The following TTC17 variants were observed in gnomAD, a reference collection of about 807,000 sequenced individuals.
TTC17 encodes tetratricopeptide repeat domain 17, also known as tetratricopeptide repeat protein 17.
A neutral mutation model predicts 143.8 loss-of-function variants in TTC17; 58 were observed. That is an observed-to-expected ratio of 0.40 (90% CI 0.33 to 0.50). The LOEUF is 0.50. Ranked by LOEUF, TTC17 falls within the 20% of genes least tolerant of loss-of-function variation. The pLI, the probability that TTC17 is intolerant of heterozygous loss-of-function variation, is 0.49. For missense variants in TTC17, 1,273 were observed against 1,392.5 expected, an observed-to-expected ratio of 0.91 and a Z score of 1.37; for synonymous variants, 501 against 497.8, an observed-to-expected ratio of 1.01 and a Z score of -0.09.
intron 8 of TTC17, 22 bp downstream of exon 8, chr11:43,398,135 A>C: frequency 6.2e-7 from 1 of 1,613,318 alleles, no homozygotes. Context: ...GAAAAATTTC[A>C]CTCAAGCATT....
chr11:43,474,590 C>A (rs946818883), intron 21 of TTC17, among the ~76,000 whole-genome samples: 12 of 152,006 alleles, frequency 7.9e-5, no homozygotes, highest in African/African-American at 2.7e-4. Flanking sequence ...CATAACCATA[C>A]CAAGGGGAAT....
chr11:43,368,691 A>G (rs192798978), intron 1 of TTC17, among the ~76,000 whole-genome samples: 1 of 152,212 alleles, frequency 6.6e-6, no homozygotes, highest in South Asian at 2.1e-4. Context: ...CTTAAAAAGC[A>G]CAGCTGGTCA....
Position 43,379,310 on chromosome 11 carries a change from C to T in TTC17, c.237C>T (p.Leu79=), listed in dbSNP as rs1179603730. ...GACAAGAAGCAACAGTTAACTACCT[C>T]AAAGAATTAGAGGTGAGGCAACTGG... The part of the protein sequence containing the change: ...LMRQEATVNY[L]KELEKQLVAQ... Residue 79 remains leucine (L), a synonymous_variant, in exon 2 of 24, where the codon CTC becomes CTT. Transcript: ENST00000039989. 5 of 1,611,390 alleles carry T rather than the reference C, an allele frequency of 3.1e-6. No homozygotes were observed. Among genetic ancestry groups the T allele is most frequent in the East Asian group, 2.2e-5 (1 of 44,658 alleles).
At chr11:43,386,773 G>A (rs1857185130) in intron 2 of TTC17, among the ~76,000 whole-genome samples, 1 of 151,020 alleles carries the variant, frequency 6.6e-6, no homozygotes, top group African/African-American at 2.4e-5. Context: ...TCTTACGTAT[G>A]TATGTATTTA....
At position 43,462,921 on chromosome 11, in the gene TTC17, C is replaced by CTTTTTTTTTTTTTTTTTTT. The variant is rs562594929; in HGVS notation, c.3030+11668_3030+11669insTTTTTTTTTTTTTTTTTTT. On this transcript the variant is annotated intron_variant, in intron 21 of 23. Coordinates refer to ENST00000039989, the MANE Select transcript of TTC17 (RefSeq NM_018259.6). ...CACTGAATCCAGCAGTGACAAAATTCTTTTTTTTTTTTGAGACAGAGTCTC... is the reference window on the plus strand; with the variant it reads ...CACTGAATCCAGCAGTGACAAAATTCTTTTTTTTTTTTTTTTTTTTTTTTTTTTTTTGAGACAGAGTCTC... Among the ~76,000 whole-genome samples, 26 of 117,708 alleles carry CTTTTTTTTTTTTTTTTTTT rather than the reference C, an allele frequency of 2.2e-4. 5 individuals carry two copies. The highest frequency in any genetic ancestry group is 6.1e-4 in the African/African-American group (15 of 24,696). The allele number at this position is 117,708 out of a possible 152,430, so 77.2% of individuals were successfully genotyped here. A position where few individuals can be genotyped will look rare whatever the true frequency, so the allele number is the denominator to read the frequency against.
chr11:43,472,355 A>G, intron 21 of TTC17, among the ~76,000 whole-genome samples: 1 of 152,214 alleles, frequency 6.6e-6, no homozygotes, highest in East Asian at 1.9e-4. Context: ...AAAAGAAAAA[A>G]GATATATCAT....
chr11:43,373,361 T>C lies in TTC17; in HGVS notation c.160-5872T>C, dbSNP rs182700556. 3.1e-4 allele frequency among the ~76,000 whole-genome samples: 46 copies of C among 150,782 alleles called. 1 individual carries two copies. In the East Asian group the frequency reaches 9.0e-3, roughly 29 times the overall value. ...TTTTTTGAGACAGAGTCTCGATCTG[T>C]CACCCAGGCTGGAGTGCAGTGGCGC... On this transcript the variant is annotated intron_variant, in intron 1 of 23. Coordinates refer to ENST00000039989, the MANE Select transcript of TTC17 (RefSeq NM_018259.6).
chr11:43,449,853 A>C lies in TTC17; in HGVS notation c.2787-229A>C, dbSNP rs966221423. 6.1e-5 allele frequency: 31 copies of C among 504,756 alleles called. 1 individual carries two copies. The highest frequency in any genetic ancestry group is 4.7e-4 in the Admixed American group (13 of 27,454). 31.3% of individuals were successfully genotyped at this position (504,756 alleles called of 1,614,324 possible). Reference sequence around the variant, plus strand: ...GGGGAGGAATGTGCTGCTGTGCATAAAAGAAAACTAAAAGATATAACTAGT... The same window carrying C: ...GGGGAGGAATGTGCTGCTGTGCATACAAGAAAACTAAAAGATATAACTAGT... On this transcript the variant is annotated intron_variant, in intron 19 of 23. Coordinates refer to ENST00000039989, the MANE Select transcript of TTC17 (RefSeq NM_018259.6).
At chr11:43,452,400 T>A (rs1191703792) in intron 21 of TTC17, among the ~76,000 whole-genome samples, 4 of 151,694 alleles carry the variant, frequency 2.6e-5, no homozygotes, top group Non-Finnish European at 4.4e-5. Flanking sequence ...CTTGAGAGAG[T>A]GAGGCAGGAG....
chr11:43,388,391 A>G (rs539283956), intron 2 of TTC17, among the ~76,000 whole-genome samples: 3 of 145,314 alleles, frequency 2.1e-5, no homozygotes. Flanking sequence ...AATGAAAGTA[A>G]TATTTTAGGA....
chr11:43,406,990 T>C lies in TTC17; in HGVS notation c.1762-148T>C, dbSNP rs1329159375. On this transcript the variant is annotated intron_variant, in intron 13 of 23. Coordinates refer to ENST00000039989, the MANE Select transcript of TTC17 (RefSeq NM_018259.6). Reference sequence around the variant, plus strand: ...AGGTCAACACCTGTTGGTATGTGAATGAATTTATGTCATATATATGATCAT... The same window carrying C: ...AGGTCAACACCTGTTGGTATGTGAACGAATTTATGTCATATATATGATCAT... 1.0e-5 allele frequency: 6 copies of C among 592,466 alleles called. No homozygotes were observed. In the East Asian group the frequency reaches 1.7e-4, roughly 16 times the overall value. The allele number at this position is 592,466 out of a possible 1,614,324, so 36.7% of individuals were successfully genotyped here. A position where few individuals can be genotyped will look rare whatever the true frequency, so the allele number is the denominator to read the frequency against.
chr11:43,359,140 C>T (rs1228141861), intron 1 of TTC17, 27 bp downstream of exon 1: 27 of 1,553,206 alleles, frequency 1.7e-5, no homozygotes, highest in Non-Finnish European at 2.3e-5. Flanking sequence ...CCCTCTTCTC[C>T]CGTGCCCGCC....
chr11:43,406,385 A>G (rs1470215008), intron 13 of TTC17, among the ~76,000 whole-genome samples: 1 of 152,192 alleles, frequency 6.6e-6, no homozygotes, highest in East Asian at 1.9e-4. Context: ...AGGAATTTAT[A>G]TTAATTTGAT....
chr11:43,474,582 T>C (rs1203017132), intron 21 of TTC17, among the ~76,000 whole-genome samples: 1 of 152,302 alleles, frequency 6.6e-6, no homozygotes, highest in African/African-American at 2.4e-5. Context: ...GTTGGTAGCA[T>C]AACCATACCA....
intron 20 of TTC17, 54 bp from the exon 21 acceptor site, chr11:43,451,128 T>G: frequency 6.5e-7 from 1 of 1,547,900 alleles, no homozygotes; most frequent in Non-Finnish European, 8.9e-7. Flanking sequence ...AGCAGTATCA[T>G]CTAGATCCTG....
chr11:43,488,842 A>G lies in TTC17; in HGVS notation c.3031-1397A>G, dbSNP rs933018646. On this transcript the variant is annotated intron_variant, in intron 21 of 23. Transcript: ENST00000039989. Reference sequence around the variant, plus strand: ...CAGCCTCCTAAGTAGTTGAGACTACAGGTGCACACCATCATGCCCAGCTGT... The same window carrying G: ...CAGCCTCCTAAGTAGTTGAGACTACGGGTGCACACCATCATGCCCAGCTGT... 2.0e-5 allele frequency among the ~76,000 whole-genome samples: 3 copies of G among 152,180 alleles called. No individual in the cohort carries two copies. The East Asian group carries it at 5.8e-4, about 29-fold the overall frequency.
chr11:43,473,249 C>G (rs1198410204), intron 21 of TTC17, among the ~76,000 whole-genome samples: 1 of 151,044 alleles, frequency 6.6e-6, no homozygotes, highest in Non-Finnish European at 1.5e-5. Flanking sequence ...ATCCATGGGT[C>G]AATGAAAAAA....
At chr11:43,455,075 T>C (rs1282792784) in intron 21 of TTC17, among the ~76,000 whole-genome samples, 2 of 151,138 alleles carry the variant, frequency 1.3e-5, no homozygotes, top group Non-Finnish European at 3.0e-5. Flanking sequence ...CTGGCCAGAA[T>C]GCAAAAAATA....
intron 1 of TTC17, among the ~76,000 whole-genome samples, chr11:43,368,141 T>C (rs1426710302): frequency 6.6e-6 from 1 of 152,212 alleles, no homozygotes; most frequent in East Asian, 1.9e-4. Context: ...TTTCTTCTGC[T>C]GAATTCACCT....
Sources: gnomAD v4.1 joint callset for allele counts (sites outside exome capture counted in the v4.1 genomes callset) on GRCh38, gnomAD v4.1.1 for gene constraint, MANE v1.5 for transcripts, NCBI Gene and HGNC (gene_info 2026-07-23, HGNC 2026-07-21) for gene names.